CPAP: variants seen among roughly 807,000 people sequenced by gnomAD.
CPAP encodes the protein centrosomal P4.1-associated protein.
chr13:24,899,615 G>A, the CPAP span: 1 of 1,586,354 alleles, frequency 6.3e-7, no homozygotes, highest in Non-Finnish European at 8.6e-7. Context: ...TATCACCTAA[G>A]GAGACCATCT....
At chr13:24,884,199 T>A in the CPAP span, 1 of 1,614,188 alleles carries the variant, frequency 6.2e-7, no homozygotes. Context: ...TTCCAGTCCC[T>A]CCGGGTATGT....
the CPAP span, among the ~76,000 whole-genome samples, chr13:24,918,793 T>TGGACTA: frequency 1.4e-4 from 21 of 152,244 alleles, no homozygotes; most frequent in Non-Finnish European, 2.6e-4. Context: ...GTCCTCACAT[T>TGGACTA]GGACTAGGCT....
At chr13:24,897,364 T>C in the CPAP span, among the ~76,000 whole-genome samples, 1 of 152,214 alleles carries the variant, frequency 6.6e-6, no homozygotes, top group Non-Finnish European at 1.5e-5. Flanking sequence ...AGAGATATAC[T>C]CCAGGACATA....
At chr13:24,899,589 A>G in the CPAP span, 3 of 1,612,044 alleles carry the variant, frequency 1.9e-6, no homozygotes, top group Admixed American at 1.7e-5. Flanking sequence ...TCTTTCCTAA[A>G]ATGACCAAAC....
the CPAP span, among the ~76,000 whole-genome samples, chr13:24,915,551 C>A: frequency 6.6e-6 from 1 of 152,212 alleles, no homozygotes; most frequent in African/African-American, 2.4e-5. Flanking sequence ...CGCCTGTAAT[C>A]CCAGCACTTT....
chr13:24,918,585 G>A, the CPAP span, among the ~76,000 whole-genome samples: 1 of 152,024 alleles, frequency 6.6e-6, no homozygotes, highest in Admixed American at 6.5e-5. Context: ...AATAGTGTAA[G>A]CTAGAGAAGA....
the CPAP span, chr13:24,910,058 G>A: frequency 6.2e-7 from 1 of 1,613,198 alleles, no homozygotes; most frequent in Non-Finnish European, 8.5e-7. Context: ...TGTGCTTCTG[G>A]CTCTGATCAT....
At chr13:24,930,254 A>G in the CPAP span, among the ~76,000 whole-genome samples, 2 of 151,978 alleles carry the variant, frequency 1.3e-5, no homozygotes, top group Middle Eastern at 3.4e-3. Context: ...TCAGTTCCAT[A>G]ATTTCTGTTT....
At chr13:24,906,778 G>T in the CPAP span, 10 of 1,614,180 alleles carry the variant, frequency 6.2e-6, no homozygotes, top group Non-Finnish European at 8.5e-6. Context: ...TTTTCCGCTG[G>T]AGTTGCTGTC....
At chr13:24,923,164 T>C in the CPAP span, among the ~76,000 whole-genome samples, 3 of 151,976 alleles carry the variant, frequency 2.0e-5, no homozygotes, top group African/African-American at 4.8e-5. Context: ...GATCTCCGTG[T>C]TCCCAGCAAA....
chr13:24,895,533 G>A, the CPAP span, among the ~76,000 whole-genome samples: 1 of 152,206 alleles, frequency 6.6e-6, no homozygotes. Context: ...CTCCAGCCTG[G>A]GTGACAGCGT....
At chr13:24,893,421 G>A in the CPAP span, among the ~76,000 whole-genome samples, 2 of 152,248 alleles carry the variant, frequency 1.3e-5, no homozygotes, top group Admixed American at 6.5e-5. Flanking sequence ...AAGTGATAGC[G>A]ACTGACCTAG....
chr13:24,885,511 T>C, the CPAP span: 4 of 1,217,192 alleles, frequency 3.3e-6, no homozygotes, highest in Admixed American at 1.7e-5. Flanking sequence ...AAAAACTCTT[T>C]TTTACACGTG....
chr13:24,907,084 T>C, the CPAP span: 1 of 1,612,152 alleles, frequency 6.2e-7, no homozygotes, highest in Non-Finnish European at 8.5e-7. Context: ...AGAGCACAAT[T>C]GCTGACCTTC....
At chr13:24,890,276 T>C in the CPAP span, among the ~76,000 whole-genome samples, 6 of 152,214 alleles carry the variant, frequency 3.9e-5, no homozygotes, top group Non-Finnish European at 2.9e-5. Context: ...ATTGTACTAT[T>C]CTTTCACCTA....
At chr13:24,906,067 T>A in the CPAP span, 1 of 1,613,710 alleles carries the variant, frequency 6.2e-7, no homozygotes, top group East Asian at 2.2e-5. Context: ...ATGAATGAAG[T>A]TGTTTGGGTG....
the CPAP span, chr13:24,908,117 A>G: frequency 2.5e-6 from 4 of 1,610,312 alleles, no homozygotes; most frequent in Non-Finnish European, 3.4e-6. Context: ...CCAACATAAG[A>G]TACTTTCTCC....
the CPAP span, among the ~76,000 whole-genome samples, chr13:24,926,756 C>T: frequency 2.4e-3 from 368 of 152,272 alleles, 1 homozygote; most frequent in African/African-American, 8.4e-3. Flanking sequence ...TCTTGGCCTG[C>T]CCTGTGATGC....
the CPAP span, among the ~76,000 whole-genome samples, chr13:24,907,863 T>C: frequency 1.3e-5 from 2 of 152,228 alleles, no homozygotes. Flanking sequence ...TCTTTTGTTG[T>C]TGACAGTACA....
Sources: allele counts gnomAD v4.1 joint callset (sites outside exome capture counted in the v4.1 genomes callset), GRCh38; gene constraint gnomAD v4.1.1; transcripts MANE v1.5; gene names NCBI Gene and HGNC (gene_info 2026-07-23, HGNC 2026-07-21).